The following HGD variants were observed in gnomAD, a reference collection of about 807,000 sequenced individuals.
HGD encodes the protein homogentisate oxidase.
In HGD, 61 loss-of-function variants were observed where a neutral mutation model predicts 60.8. The ratio of observed to expected loss-of-function variants is 1.00; its 90% CI spans 0.82 to 1.24. HGD has a LOEUF of 1.24. Among genes scored for constraint, HGD ranks in the 50% most tolerant of loss-of-function variants. HGD has a pLI of 0.00. For missense variants in HGD, 542 were observed against 547.1 expected (o/e 0.99, Z 0.09); for synonymous variants, 212 against 187.7 (o/e 1.13, Z -1.06).
intron 4 of HGD, among the ~76,000 whole-genome samples, chr3:120,667,364 A>G (rs2107543894): frequency 6.6e-6 from 1 of 151,838 alleles, no homozygotes; most frequent in East Asian, 1.9e-4. Context: ...CAAAGCTAGA[A>G]AAATTCTATT....
intron 11 of HGD, among the ~76,000 whole-genome samples, chr3:120,639,410 G>C (rs1940896653): frequency 1.3e-5 from 2 of 152,140 alleles, no homozygotes; most frequent in Non-Finnish European, 2.9e-5. Flanking sequence ...CAGAAGTCTG[G>C]GCTTGTCATC....
chr3:120,665,514 A>T (rs893843477), intron 4 of HGD, among the ~76,000 whole-genome samples: 1 of 152,262 alleles, frequency 6.6e-6, no homozygotes, highest in Non-Finnish European at 1.5e-5. Flanking sequence ...TTAGAGGCAG[A>T]CACATAAAAT....
intron 12 of HGD, 121 bp from the exon 13 acceptor site, chr3:120,633,449 G>C: frequency 1.3e-6 from 2 of 1,579,990 alleles, no homozygotes; most frequent in South Asian, 1.1e-5. Flanking sequence ...AAATTGTATA[G>C]GATTAATAAA....
chr3:120,645,908 T>A (rs1312159767), intron 9 of HGD, among the ~76,000 whole-genome samples: 5 of 152,200 alleles, frequency 3.3e-5, no homozygotes, highest in Admixed American at 3.3e-4. Flanking sequence ...CAACTTTTCA[T>A]AAAGAATTAG....
rs139867746 is a variant in HGD, at chr3:120,634,896, A to C, written c.1007-1568T>G. On this transcript the variant is annotated intron_variant, in intron 12 of 13. Transcript: ENST00000283871. ...GAGGTGAGACCCAGATCATAGTTCT[A>C]CTTGTTTCTCTATGAAGTGGAAATA... Among the ~76,000 whole-genome samples, 448 of 152,290 alleles carry C rather than the reference A, an allele frequency of 2.9e-3. 2 individuals are homozygous for C. The highest frequency in any genetic ancestry group is 0.01 in the African/African-American group (429 of 41,562).
chr3:120,632,616 C>T lies in HGD; in HGVS notation c.1188+531G>A, dbSNP rs566897595. Reference sequence around the variant, plus strand: ...TTTTGACCCTCCTTGGCTTGAAACACGTGCTGAAGGTGAGATCCTGCCTCC... The same window carrying T: ...TTTTGACCCTCCTTGGCTTGAAACATGTGCTGAAGGTGAGATCCTGCCTCC... On this transcript the variant is annotated intron_variant, in intron 13 of 13. Transcript: ENST00000283871. Among the ~76,000 whole-genome samples the T allele has an allele frequency of 9.2e-5, 14 of 152,290 alleles. No homozygotes were observed. In the South Asian group the frequency reaches 2.1e-3, roughly 23 times the overall value.
rs956864385 is a variant in HGD at position 120,641,569 on chromosome 3, C to T, written c.879+20G>A. ...CCAAGCGTTGCCTCATCCCAAGGCC[C>T]CTACAGGGTTCAGACTTACTGCATG... On this transcript the variant is annotated intron_variant, in intron 11 of 13. Coordinates refer to ENST00000283871, the MANE Select transcript of HGD (RefSeq NM_000187.4). The T allele has an allele frequency of 2.5e-5, 38 of 1,526,420 alleles. No individual in the cohort carries two copies. The highest frequency in any genetic ancestry group is 3.4e-5 in the Non-Finnish European group (37 of 1,100,238). 94.6% of individuals were successfully genotyped at this position (1,526,420 alleles called of 1,614,324 possible). A position where few individuals can be genotyped will look rare whatever the true frequency, so the allele number is the denominator to read the frequency against.
In HGD at chr3:120,660,558, T is replaced by C. The variant is rs144441159; in HGVS notation, c.283-7907A>G. Among the ~76,000 whole-genome samples, 892 of 152,256 alleles carry C rather than the reference T, an allele frequency of 5.9e-3. 11 individuals are homozygous for C. Among genetic ancestry groups the C allele is most frequent in the African/African-American group, 0.02 (838 of 41,548 alleles). On this transcript the variant is annotated intron_variant, in intron 4 of 13. Transcript: ENST00000283871. ...AAGTCTTTCAGGCCAAGCGAGGTGG[T>C]TCACGCCTGTAATCCCAGCACTTTG...
chr3:120,670,769 T>A (rs527616194), intron 3 of HGD, among the ~76,000 whole-genome samples: 54 of 152,218 alleles, frequency 3.5e-4, no homozygotes, highest in Non-Finnish European at 6.3e-4. Flanking sequence ...GGACTCTGAC[T>A]CATGGTTATT....
At chr3:120,654,821 C>T (rs1423118000) in intron 4 of HGD, among the ~76,000 whole-genome samples, 4 of 152,132 alleles carry the variant, frequency 2.6e-5, no homozygotes, top group Non-Finnish European at 4.4e-5. Flanking sequence ...GCCTGTAATT[C>T]CAGCACCTTT....
At chr3:120,644,729 A>G in intron 9 of HGD, 1 of 804,682 alleles carries the variant, frequency 1.2e-6, no homozygotes, top group Non-Finnish European at 1.8e-6. Flanking sequence ...AGGTGAGGGG[A>G]AGGGAAGAGA....
intron 1 of HGD, among the ~76,000 whole-genome samples, chr3:120,681,734 T>C (rs1708233744): frequency 6.6e-6 from 1 of 152,106 alleles, no homozygotes; most frequent in Non-Finnish European, 1.5e-5. Flanking sequence ...TCACCGGAAG[T>C]GGTCCATGAG....
intron 13 of HGD, among the ~76,000 whole-genome samples, chr3:120,630,602 T>C (rs547192752): frequency 6.6e-6 from 1 of 151,970 alleles, no homozygotes; most frequent in South Asian, 2.1e-4. Flanking sequence ...ACCGCTTCCA[T>C]ACACCATATA....
chr3:120,653,639 G>A (rs1941408587), intron 4 of HGD, among the ~76,000 whole-genome samples: 2 of 152,146 alleles, frequency 1.3e-5, no homozygotes, highest in South Asian at 4.1e-4. Context: ...AAAGCAGGAT[G>A]GTCACATTAA....
At chr3:120,675,935 C>T (rs541951051) in intron 1 of HGD, 72 bp from the exon 2 acceptor site, 3 of 1,139,184 alleles carry the variant, frequency 2.6e-6, no homozygotes, top group East Asian at 4.7e-5. Flanking sequence ...TGGCAGTTTA[C>T]TAAGGTAAGA....
At chr3:120,659,556 G>A (rs780098506) in intron 4 of HGD, among the ~76,000 whole-genome samples, 2 of 152,100 alleles carry the variant, frequency 1.3e-5, no homozygotes, top group Non-Finnish European at 2.9e-5. Context: ...GTCACTATTG[G>A]CATTTTTGTC....
At chr3:120,640,405 G>T (rs17829440) in intron 11 of HGD, among the ~76,000 whole-genome samples, 14,095 of 152,142 alleles carry the variant, frequency 0.093, 749 homozygotes, top group East Asian at 0.19. Flanking sequence ...AGGTGATACT[G>T]GAAAATGAGT....
At chr3:120,668,514 C>CA (rs1405671877) in intron 4 of HGD, among the ~76,000 whole-genome samples, 1 of 148,300 alleles carries the variant, frequency 6.7e-6, no homozygotes, top group African/African-American at 2.5e-5. Flanking sequence ...TGGAAAGTGG[C>CA]GGGGTGGGGA....
In HGD at chr3:120,670,534, T is replaced by C. The variant is rs762524252; in HGVS notation, c.177-2A>G. The stretch of plus-strand genomic sequence containing the variant: ...GAAGGTAGAATCCTATACAGCCAGC[T>C]AGAGGGAAAAACATACAAGATATAC... On this transcript the variant is annotated splice_acceptor_variant, in intron 3 of 13. Coordinates refer to ENST00000283871, the MANE Select transcript of HGD (RefSeq NM_000187.4). LOFTEE classifies it high-confidence loss of function. 6.5e-7 allele frequency: 1 copy of C among 1,539,618 alleles called. No individual in the cohort carries two copies. The highest frequency in any genetic ancestry group is 9.0e-7 in the Non-Finnish European group (1 of 1,112,206).
Sources: allele counts gnomAD v4.1 joint callset (sites outside exome capture counted in the v4.1 genomes callset), GRCh38; gene constraint gnomAD v4.1.1; transcripts MANE v1.5; gene names NCBI Gene and HGNC (gene_info 2026-07-23, HGNC 2026-07-21).